KLHDC8A: variants seen among roughly 807,000 people sequenced by gnomAD.
KLHDC8A encodes the protein kelch domain containing 8A.
In KLHDC8A, 21 loss-of-function variants were observed where a neutral mutation model predicts 33.1. The ratio of observed to expected loss-of-function variants is 0.64; its 90% CI spans 0.45 to 0.91. The LOEUF (loss-of-function observed/expected upper bound fraction) is 0.91, where lower values mean the gene tolerates loss of function less well. Among genes scored for constraint, KLHDC8A ranks in the 40% least tolerant of loss-of-function variants. The pLI is 0.00. For missense variants in KLHDC8A, 435 were observed against 483.3 expected (o/e 0.90, Z 0.94); for synonymous variants, 173 against 193.5 (o/e 0.89, Z 0.88).
chr1:205,339,679 G>A lies in KLHDC8A; in HGVS notation c.506C>T (p.Thr169Ile), dbSNP rs1662737238. The A allele has an allele frequency of 6.2e-7, 1 of 1,614,174 alleles. No homozygotes were observed. Among genetic ancestry groups the A allele is most frequent in the Non-Finnish European group, 8.5e-7 (1 of 1,180,036 alleles). ...GATCTTGGAGCCTCGGAGGAAGGAG[G>A]TGGCAGCATATCTCGGGGTGGGCAT... ...APMPTPRYAATSFLRGSKIYV... is the reference protein window; with the variant it reads ...APMPTPRYAAISFLRGSKIYV... Residue 169 changes from threonine (T) to isoleucine (I), a missense_variant, in exon 3 of 6, where the codon ACC (threonine) becomes ATC (isoleucine). Physicochemically the swap from Thr to Ile is moderately conservative, Grantham distance 89. Transcript: ENST00000367155. This position sits in a 1 kb window ranked among gnomAD's most constrained non-coding sequence, Gnocchi z 5.1.
intron 1 of KLHDC8A, among the ~76,000 whole-genome samples, chr1:205,345,348 A>ACTGGG (rs1662916523): frequency 6.6e-6 from 1 of 152,232 alleles, no homozygotes; most frequent in Non-Finnish European, 1.5e-5. Flanking sequence ...GTAAGAAAAA[A>ACTGGG]TACCCTTTAC....
rs1158439063 is a variant in KLHDC8A at position 205,343,373 on chromosome 1, C to G, written c.232G>C (p.Gly78Arg). Residue 78 changes from glycine (G) to arginine (R), a missense_variant, in exon 2 of 6, where the codon GGG becomes CGG. Physicochemically the swap from Gly to Arg is moderately radical, Grantham distance 125. Coordinates refer to ENST00000367155, the MANE Select transcript of KLHDC8A (RefSeq NM_018203.3). ...CCCCCAATCACCATGATCCGCTTCC[C>G]CAGGGCGGTGACGGCCACCCCCGCC... ...ARAGVAVTAL[G>R]KRIMVIGGVG... The G allele has an allele frequency of 6.2e-7, 1 of 1,613,632 alleles. No individual in the cohort carries two copies. Among genetic ancestry groups the G allele is most frequent in the Non-Finnish European group, 8.5e-7 (1 of 1,179,944 alleles).
At chr1:205,350,390 C>T (rs1663064455) in intron 1 of KLHDC8A, among the ~76,000 whole-genome samples, 1 of 152,160 alleles carries the variant, frequency 6.6e-6, no homozygotes, top group Non-Finnish European at 1.5e-5. Flanking sequence ...GATGCAAGAG[C>T]TCAGGTCATC....
At chr1:205,349,619 T>G (rs1414051674) in intron 1 of KLHDC8A, among the ~76,000 whole-genome samples, 1 of 152,154 alleles carries the variant, frequency 6.6e-6, no homozygotes, top group Non-Finnish European at 1.5e-5. Flanking sequence ...CTCAGCTACT[T>G]CCCTGTGCTT....
chr1:205,352,264 T>C (rs1663135105), intron 1 of KLHDC8A, among the ~76,000 whole-genome samples: 1 of 152,158 alleles, frequency 6.6e-6, no homozygotes, highest in African/African-American at 2.4e-5. Flanking sequence ...GAGGTCCCGC[T>C]CACTCTCCAG....
chr1:205,349,999 G>A (rs1382700909), intron 1 of KLHDC8A, among the ~76,000 whole-genome samples: 1 of 152,188 alleles, frequency 6.6e-6, no homozygotes, highest in Non-Finnish European at 1.5e-5. Context: ...TACTCTTGGG[G>A]TGCTATACAG....
chr1:205,341,874 C>T (rs1248044105), intron 2 of KLHDC8A, among the ~76,000 whole-genome samples: 3 of 152,178 alleles, frequency 2.0e-5, no homozygotes, highest in African/African-American at 7.2e-5. Flanking sequence ...TGGTCTTGAT[C>T]TCCTGACCTC....
At chr1:205,351,017 T>C (rs370283250) in intron 1 of KLHDC8A, among the ~76,000 whole-genome samples, 1 of 152,308 alleles carries the variant, frequency 6.6e-6, no homozygotes, top group East Asian at 1.9e-4. Flanking sequence ...GCTGGCCTGC[T>C]CACCCTCACC....
intron 1 of KLHDC8A, among the ~76,000 whole-genome samples, chr1:205,348,821 T>C (rs1406274929): frequency 6.6e-6 from 1 of 152,144 alleles, no homozygotes; most frequent in Non-Finnish European, 1.5e-5. Flanking sequence ...CTGTAGCCAA[T>C]CACTTCTGGG....
Position 205,343,494 on chromosome 1 carries a change from C to T in KLHDC8A, c.111G>A (p.Gly37=). 2 of 1,613,570 alleles carry T rather than the reference C, an allele frequency of 1.2e-6. No individual in the cohort carries two copies. The highest frequency in any genetic ancestry group is 1.7e-6 in the Non-Finnish European group (2 of 1,179,894). The change falls in exon 2 of 6, where the codon GGG becomes GGA. Residue 37 remains glycine, a synonymous_variant. Coordinates refer to ENST00000367155, the MANE Select transcript of KLHDC8A (RefSeq NM_018203.3). ...LETGGQVYAI[G]GCDDNGVPMD... The stretch of plus-strand genomic sequence containing the variant: ...TGGGGACGCCGTTGTCGTCACATCC[C>T]CCGATGGCATAGACCTGGCCCCCGG...
At position 205,356,517 on chromosome 1, in the gene KLHDC8A, T is replaced by C. The variant is rs935093159; in HGVS notation, c.-190+16A>G. ...CAAGGCATCACTCTGCATAGATGGATTGAAATAAAACTTACCTGACTGGAG... is the reference window on the plus strand; with the variant it reads ...CAAGGCATCACTCTGCATAGATGGACTGAAATAAAACTTACCTGACTGGAG... On this transcript the variant is annotated intron_variant, in intron 1 of 5. Transcript: ENST00000367155. 15 of 456,078 alleles carry C rather than the reference T, an allele frequency of 3.3e-5. No homozygotes were observed. Among genetic ancestry groups the C allele is most frequent in the African/African-American group, 2.2e-4 (11 of 50,066 alleles). 28.3% of individuals were successfully genotyped at this position (456,078 alleles called of 1,614,324 possible). A position where few individuals can be genotyped will look rare whatever the true frequency, so the allele number is the denominator to read the frequency against.
In KLHDC8A at chr1:205,342,308, G is replaced by GGA. The variant is rs544640949; in HGVS notation, c.376+920_376+921insTC. On this transcript the variant is annotated intron_variant, in intron 2 of 5. Coordinates refer to ENST00000367155, the MANE Select transcript of KLHDC8A (RefSeq NM_018203.3). Reference sequence around the variant, plus strand: ...GTGCTCTTTCCCTCCCTTGCTCTCCGTGGGCCTCCAGGCCTTCCATCCTTC... The same window carrying GGA: ...GTGCTCTTTCCCTCCCTTGCTCTCCGGATGGGCCTCCAGGCCTTCCATCCTTC... Among the ~76,000 whole-genome samples the GGA allele has an allele frequency of 2.9e-3, 439 of 152,324 alleles. 6 individuals carry two copies. The highest frequency in any genetic ancestry group is 9.8e-3 in the African/African-American group (409 of 41,566).
rs1162982926 is a variant in KLHDC8A, at chr1:205,339,783, C to A, written c.402G>T (p.Gly134=). The change falls in exon 3 of 6, where the codon GGG becomes GGT. Residue 134 remains glycine (G), a synonymous_variant. Coordinates refer to ENST00000367155, the MANE Select transcript of KLHDC8A (RefSeq NM_018203.3). This position sits in a 1 kb window ranked among gnomAD's most constrained non-coding sequence, Gnocchi z 5.1. The part of the protein sequence containing the change: ...AKDYRVYAAG[G]MGLDLRPHNH... ...TGTGTGGACGTAGGTCCAGGCCCAT[C>A]CCGCCTGCCGCATATACTCGGTAAT... 1.2e-6 allele frequency: 2 copies of A among 1,613,534 alleles called. No homozygotes were observed. The highest frequency in any genetic ancestry group is 2.7e-5 in the African/African-American group (2 of 74,882).
chr1:205,344,692 T>C (rs949106963), intron 1 of KLHDC8A, among the ~76,000 whole-genome samples: 3 of 152,154 alleles, frequency 2.0e-5, no homozygotes, highest in Non-Finnish European at 4.4e-5. Context: ...ACAACTTATG[T>C]GGGTGTGATG....
chr1:205,342,285 G>T (rs1001398208), intron 2 of KLHDC8A, among the ~76,000 whole-genome samples: 3 of 152,182 alleles, frequency 2.0e-5, no homozygotes, highest in Admixed American at 2.0e-4. Context: ...ATGAAGATGT[G>T]CTCTTTCCCT....
chr1:205,345,492 C>G (rs1378874236), intron 1 of KLHDC8A, among the ~76,000 whole-genome samples: 2 of 152,176 alleles, frequency 1.3e-5, no homozygotes, highest in Admixed American at 1.3e-4. Flanking sequence ...AATCCAGGCA[C>G]TTTGGGAGTC....
Position 205,356,607 on chromosome 1 carries a change from T to TCGAG in KLHDC8A, c.-268_-265dup, listed in dbSNP as rs773806831. 19 of 455,456 alleles carry TCGAG rather than the reference T, an allele frequency of 4.2e-5. No individual in the cohort carries two copies. Among genetic ancestry groups the TCGAG allele is most frequent in the African/African-American group, 1.0e-4 (5 of 49,874 alleles). 28.2% of individuals were successfully genotyped at this position (455,456 alleles called of 1,614,324 possible). On this transcript the variant is annotated 5_prime_UTR_variant, in exon 1 of 6. Coordinates refer to ENST00000367155, the MANE Select transcript of KLHDC8A (RefSeq NM_018203.3). ...AAGAAGGGGAGGGGCCGGGAGAGGG[T>TCGAG]CGAGCGGGTGTTGGCTCTGAGGCTT...
intron 5 of KLHDC8A, 135 bp from the exon 6 acceptor site, chr1:205,337,727 A>G: frequency 3.2e-6 from 2 of 623,276 alleles, no homozygotes; most frequent in Non-Finnish European, 5.6e-6. Flanking sequence ...CTACAGGATT[A>G]CTCCCTTTAC....
chr1:205,343,335 A>T lies in KLHDC8A; in HGVS notation c.270T>A (p.Asn90Lys). 1.2e-6 allele frequency: 2 copies of T among 1,613,628 alleles called. No individual in the cohort carries two copies. The highest frequency in any genetic ancestry group is 1.7e-6 in the Non-Finnish European group (2 of 1,179,940). Residue 90 changes from asparagine (N) to lysine (K), a missense_variant, in exon 2 of 6, where the codon AAT becomes AAA. Asn to Lys is a moderately conservative substitution (Grantham distance 94, BLOSUM62 0). Coordinates refer to ENST00000367155, the MANE Select transcript of KLHDC8A (RefSeq NM_018203.3). ...RIMVIGGVGT[N>K]QLPLKVVEMY... ...TCTCCACGACCTTCAGGGGCAGCTG[A>T]TTGGTGCCCACGCCCCCAATCACCA...
Sources: allele counts gnomAD v4.1 joint callset (sites outside exome capture counted in the v4.1 genomes callset), GRCh38; gene constraint gnomAD v4.1.1; non-coding constraint Gnocchi (gnomAD v3.1); transcripts MANE v1.5; gene names NCBI Gene and HGNC (gene_info 2026-07-23, HGNC 2026-07-21).